KANSL1L: variants seen among roughly 807,000 people sequenced by gnomAD.
KANSL1L encodes the protein KAT8 regulatory NSL complex subunit 1-like protein.
Under a neutral mutation model 108.6 loss-of-function variants are expected in KANSL1L, and 25 were observed. The ratio of observed to expected loss-of-function variants is 0.23; its 90% CI spans 0.17 to 0.32. The LOEUF is 0.32. Ranked by LOEUF, KANSL1L falls within the 10% of genes least tolerant of loss-of-function variation. KANSL1L has a pLI of 1.00. For missense variants in KANSL1L, 1,137 were observed against 1,125.7 expected (o/e 1.01, Z -0.14); for synonymous variants, 405 against 395.1 (o/e 1.03, Z -0.30).
intron 8 of KANSL1L, among the ~76,000 whole-genome samples, chr2:210,034,505 C>CT (rs1238153000): frequency 1.3e-5 from 2 of 152,004 alleles, no homozygotes; most frequent in African/African-American, 4.8e-5. Flanking sequence ...GTAGATAGGG[C>CT]TTTAAGGTGT....
rs147221593 is a variant in KANSL1L, at chr2:210,121,245, C to T, written c.1230+7786G>A. Among the ~76,000 whole-genome samples the T allele has an allele frequency of 4.6e-5, 7 of 152,246 alleles. No individual in the cohort carries two copies. The East Asian group carries it at 1.4e-3, about 29-fold the overall frequency. ...CAATAGCAAAGGCATAGAATCAACC[C>T]GAATGCCCATCAATGGTAGACTGCA... On this transcript the variant is annotated intron_variant, in intron 3 of 14. Transcript: ENST00000281772.
chr2:210,172,678 A>ATC (rs1159688942), upstream of KANSL1L, among the ~76,000 whole-genome samples: 1 of 152,244 alleles, frequency 6.6e-6, no homozygotes, highest in Non-Finnish European at 1.5e-5. Flanking sequence ...AAATAATTAA[A>ATC]TCAGTAAGTA....
At chr2:210,112,877 G>C (rs115386534) in intron 3 of KANSL1L, among the ~76,000 whole-genome samples, 1,938 of 152,162 alleles carry the variant, frequency 0.013, 17 homozygotes, top group South Asian at 0.03. Flanking sequence ...AAGTTCAAAG[G>C]GCAGGCTTGG....
rs1559539751 is a variant in KANSL1L at position 210,079,652 on chromosome 2, A to ATATGTATGTG, written c.1551-3897_1551-3896insCACATACATA. Among the ~76,000 whole-genome samples the ATATGTATGTG allele has an allele frequency of 2.0e-3, 41 of 20,174 alleles. 2 individuals are homozygous for ATATGTATGTG. Among genetic ancestry groups the ATATGTATGTG allele is most frequent in the East Asian group, 0.016 (4 of 246 alleles). The allele number at this position is 20,174 out of a possible 152,430, so 13.2% of individuals were successfully genotyped here. On this transcript the variant is annotated intron_variant, in intron 5 of 14. Coordinates refer to ENST00000281772, the MANE Select transcript of KANSL1L (RefSeq NM_152519.4). The stretch of plus-strand genomic sequence containing the variant: ...TATATATATATATATATATATATAT[A>ATATGTATGTG]TATATATATATATGTATGTGTGTAT...
At chr2:210,160,175 G>C (rs574066941) in intron 1 of KANSL1L, among the ~76,000 whole-genome samples, 1 of 152,118 alleles carries the variant, frequency 6.6e-6, no homozygotes, top group Non-Finnish European at 1.5e-5. Flanking sequence ...AGGAAGGAGA[G>C]GGAATGTCTT....
Position 210,024,023 on chromosome 2 carries a change from T to C in KANSL1L, c.2733+10A>G, listed in dbSNP as rs773286755. ...GGAATGGGAAGTTTAATCATACATA[T>C]TACACTTACCTTGGTTTCTTGACTT... On this transcript the variant is annotated intron_variant, in intron 14 of 14. Coordinates refer to ENST00000281772, the MANE Select transcript of KANSL1L (RefSeq NM_152519.4). 9 of 1,541,736 alleles carry C rather than the reference T, an allele frequency of 5.8e-6. No individual in the cohort carries two copies. Among genetic ancestry groups the C allele is most frequent in the Admixed American group, 2.0e-5 (1 of 48,942 alleles).
chr2:210,118,197 G>C lies in KANSL1L; in HGVS notation c.1230+10834C>G, dbSNP rs565718595. On this transcript the variant is annotated intron_variant, in intron 3 of 14. Transcript: ENST00000281772. ...AAAAAAAAAGGAGGGGGGCGGGTGC[G>C]GTGGCTTATGCCTGTAATCCCAGCA... 5.0e-4 allele frequency among the ~76,000 whole-genome samples: 74 copies of C among 148,000 alleles called. 1 individual carries two copies. Among genetic ancestry groups the C allele is most frequent in the Admixed American group, 1.3e-3 (19 of 14,730 alleles).
intron 8 of KANSL1L, among the ~76,000 whole-genome samples, chr2:210,039,554 T>G (rs1195017199): frequency 2.0e-5 from 3 of 151,832 alleles, no homozygotes; most frequent in Admixed American, 2.0e-4. Flanking sequence ...TAGAAATAAT[T>G]TATCTTAAAT....
chr2:210,172,326 C>T (rs1368051641), upstream of KANSL1L, among the ~76,000 whole-genome samples: 1 of 152,150 alleles, frequency 6.6e-6, no homozygotes, highest in Non-Finnish European at 1.5e-5. Context: ...GAACGAAGAG[C>T]ACTAGGCTTT....
intron 1 of KANSL1L, 59 bp from the exon 2 acceptor site, chr2:210,154,670 T>G (rs532235708): frequency 2.8e-6 from 3 of 1,070,070 alleles, no homozygotes; most frequent in African/African-American, 3.3e-5. Flanking sequence ...TGCTTATACT[T>G]TTTTCTAAGG....
intron 6 of KANSL1L, among the ~76,000 whole-genome samples, chr2:210,068,022 C>T (rs1249999993): frequency 5.3e-5 from 8 of 152,084 alleles, no homozygotes; most frequent in African/African-American, 1.7e-4. Context: ...GGATTACAGG[C>T]GCCTGCCACC....
rs1175221325 is a variant in KANSL1L, at chr2:210,044,515, A to G, written c.1756-411T>C. Among the ~76,000 whole-genome samples, 1 of 151,690 alleles carries G rather than the reference A, an allele frequency of 6.6e-6. No individual in the cohort carries two copies. The highest frequency in any genetic ancestry group is 1.5e-5 in the Non-Finnish European group (1 of 67,972). On this transcript the variant is annotated intron_variant, in intron 6 of 14. Coordinates refer to ENST00000281772, the MANE Select transcript of KANSL1L (RefSeq NM_152519.4). This position sits in a 1 kb window ranked among gnomAD's most constrained non-coding sequence, Gnocchi z 4.2. ...GAATAAAAATGATCAAAGGAGACAT[A>G]TGTGTTTTGTTCCTGATTGTAATGG...
At chr2:210,090,548 G>T (rs1313016665) in intron 5 of KANSL1L, among the ~76,000 whole-genome samples, 1 of 152,010 alleles carries the variant, frequency 6.6e-6, no homozygotes, top group Non-Finnish European at 1.5e-5. Context: ...TGTTTTTGGG[G>T]GGTTTTTGAG....
chr2:210,129,107 A>G lies in KANSL1L; in HGVS notation c.1154T>C (p.Leu385Pro). 1 of 1,614,000 alleles carries G rather than the reference A, an allele frequency of 6.2e-7. No individual in the cohort carries two copies. ...TTCTAGGTCTGAAATCTGAGCTTGA[A>G]GCCAAGTCCATCGGCTGCCAACTCG... ...RARVGSRWTW[L>P]QAQISDLECK... Residue 385 changes from leucine (L) to proline (P), a missense_variant, in exon 3 of 15, where the codon CTT becomes CCT. Transcript: ENST00000281772.
intron 3 of KANSL1L, 129 bp downstream of exon 3, chr2:210,128,902 T>C (rs1375301191): frequency 4.6e-6 from 3 of 649,020 alleles, no homozygotes; most frequent in East Asian, 3.0e-5. Flanking sequence ...TAATAATATA[T>C]CAAAAATTTT....
At chr2:210,127,123 T>C (rs926422713) in intron 3 of KANSL1L, among the ~76,000 whole-genome samples, 7 of 152,100 alleles carry the variant, frequency 4.6e-5, no homozygotes, top group East Asian at 3.8e-4. Context: ...TCCAATGGGA[T>C]AGAATAGAGA....
At chr2:210,031,668 A>T in intron 8 of KANSL1L, 122 bp from the exon 9 acceptor site, 1 of 576,602 alleles carries the variant, frequency 1.7e-6, no homozygotes, top group Non-Finnish European at 2.9e-6. Flanking sequence ...ACAGATAAAC[A>T]TAAATACCAA....
At chr2:210,025,429 G>T (rs947377131) in intron 12 of KANSL1L, among the ~76,000 whole-genome samples, 1 of 152,100 alleles carries the variant, frequency 6.6e-6, no homozygotes, top group Non-Finnish European at 1.5e-5. Context: ...GGTGGCAGGC[G>T]CCTGTAATCA....
intron 6 of KANSL1L, among the ~76,000 whole-genome samples, chr2:210,049,354 A>G (rs981687253): frequency 6.7e-6 from 1 of 149,684 alleles, no homozygotes; most frequent in Non-Finnish European, 1.5e-5. Flanking sequence ...TTTTTTTTTA[A>G]CCAGATGATT....
Sources: allele counts gnomAD v4.1 joint callset (sites outside exome capture counted in the v4.1 genomes callset), GRCh38; gene constraint gnomAD v4.1.1; non-coding constraint Gnocchi (gnomAD v3.1); transcripts MANE v1.5; gene names NCBI Gene and HGNC (gene_info 2026-07-23, HGNC 2026-07-21).